Variants in TMEM201 observed in about 807,000 individuals in gnomAD.
The protein encoded by TMEM201 is transmembrane protein 201.
Under a neutral mutation model 63.4 loss-of-function variants are expected in TMEM201, and 26 were observed. The ratio of observed to expected loss-of-function variants is 0.41; its 90% CI spans 0.30 to 0.57. The LOEUF (loss-of-function observed/expected upper bound fraction) is 0.57, where lower values mean the gene tolerates loss of function less well. Ranked by LOEUF, TMEM201 falls within the 20% of genes least tolerant of loss-of-function variation. The pLI, the probability that TMEM201 is intolerant of heterozygous loss-of-function variation, is 0.29. For missense variants in TMEM201, 794 were observed against 917.7 expected (o/e 0.87, Z 1.74); for synonymous variants, 417 against 421.6 (o/e 0.99, Z 0.14).
chr1:9,591,455 G>A (rs1335030523), intron 1 of TMEM201, among the ~76,000 whole-genome samples: 1 of 152,252 alleles, frequency 6.6e-6, no homozygotes, highest in Admixed American at 6.5e-5. Flanking sequence ...CAGTTGGGGG[G>A]CAGATGCCCC....
chr1:9,589,026 C>T lies in TMEM201; in HGVS notation c.96C>T (p.Leu32=), dbSNP rs1265823798. 1 of 1,153,348 alleles carries T rather than the reference C, an allele frequency of 8.7e-7. No homozygotes were observed. The allele number at this position is 1,153,348 out of a possible 1,614,324, so 71.4% of individuals were successfully genotyped here. ...VTACAAAGVL[L]YRIARRMKPT... ...CGTGCGCCGCGGCCGGCGTGTTGCT[C>T]TACCGGATCGCGCGGAGGTGAGTGC... Residue 32 remains leucine, a synonymous_variant, in exon 1 of 11, where the codon CTC becomes CTT. Transcript: ENST00000340381.
intron 2 of TMEM201, 36 bp downstream of exon 2, chr1:9,596,046 G>A (rs778135781): frequency 6.0e-5 from 96 of 1,602,962 alleles, no homozygotes; most frequent in East Asian, 2.2e-4. Flanking sequence ...GTGGGCACGC[G>A]GGGGTGGGGA....
At chr1:9,597,887 G>C (rs969437246) in intron 3 of TMEM201, among the ~76,000 whole-genome samples, 4 of 152,244 alleles carry the variant, frequency 2.6e-5, no homozygotes, top group Non-Finnish European at 5.9e-5. Context: ...CAAAACGTTT[G>C]CTTCCTCAGA....
At chr1:9,602,425 C>T in intron 6 of TMEM201, 153 bp downstream of exon 6, 1 of 1,457,708 alleles carries the variant, frequency 6.9e-7, no homozygotes, top group Non-Finnish European at 9.1e-7. Flanking sequence ...CTGGCCCAGT[C>T]CCTCCACTGC....
intron 3 of TMEM201, among the ~76,000 whole-genome samples, 162 bp from the exon 4 acceptor site, chr1:9,598,287 G>T (rs1644063517): frequency 6.6e-6 from 1 of 152,200 alleles, no homozygotes; most frequent in African/African-American, 2.4e-5. Flanking sequence ...GTGGGCATTT[G>T]TCCTGTTGGG....
chr1:9,602,311 G>A lies in TMEM201; in HGVS notation c.1160+39G>A, dbSNP rs79169749. On this transcript the variant is annotated intron_variant, in intron 6 of 10. Coordinates refer to ENST00000340381, the MANE Select transcript of TMEM201 (RefSeq NM_001130924.3). ...CCATGACTGCGGGGGGAGGACACAC[G>A]GATGCTCAGGCCCAGGCTTTGCCAG... The A allele has an allele frequency of 4.1e-3, 6,499 of 1,603,404 alleles. 246 individuals are homozygous for A. The African/African-American group carries it at 0.078, about 19-fold the overall frequency.
chr1:9,604,132 T>C lies in TMEM201; in HGVS notation c.1160+1860T>C. 2.0e-6 allele frequency: 2 copies of C among 985,440 alleles called. No homozygotes were observed. Among genetic ancestry groups the C allele is most frequent in the Non-Finnish European group, 1.2e-6 (1 of 829,924 alleles). 61.0% of individuals were successfully genotyped at this position (985,440 alleles called of 1,614,324 possible). A position where few individuals can be genotyped will look rare whatever the true frequency, so the allele number is the denominator to read the frequency against. ...CCTGTCGGCTGGCCATGCTGTTGCT[T>C]GCGTCTCGAATCTTCGGTTCTCGAG... On this transcript the variant is annotated intron_variant, in intron 6 of 10. Transcript: ENST00000340381. The surrounding 1 kb of genome is among the most constrained non-coding windows in gnomAD (Gnocchi z 4.1).
In TMEM201 at chr1:9,603,894, C is replaced by A. The variant is rs370911925; in HGVS notation, c.1160+1622C>A. 1.4e-5 allele frequency: 14 copies of A among 985,444 alleles called. No individual in the cohort carries two copies. The East Asian group carries it at 1.5e-3, about 104-fold the overall frequency. 61.0% of individuals were successfully genotyped at this position (985,444 alleles called of 1,614,324 possible). A position where few individuals can be genotyped will look rare whatever the true frequency, so the allele number is the denominator to read the frequency against. ...GCTCAGCTTGTTGTTCTGTGTGGAG[C>A]GTGAGGTGAGAAAACCCCTCTGAAA... On this transcript the variant is annotated intron_variant, in intron 6 of 10. Coordinates refer to ENST00000340381, the MANE Select transcript of TMEM201 (RefSeq NM_001130924.3). The surrounding 1 kb of genome is among the most constrained non-coding windows in gnomAD (Gnocchi z 4.5).
At chr1:9,599,997 G>A (rs984302453) in intron 4 of TMEM201, among the ~76,000 whole-genome samples, 1 of 152,202 alleles carries the variant, frequency 6.6e-6, no homozygotes, top group African/African-American at 2.4e-5. Flanking sequence ...CCAGGAACAA[G>A]GCAGACAGAA....
In TMEM201 at chr1:9,603,404, G is replaced by A. The variant is rs931548518; in HGVS notation, c.1160+1132G>A. ...GCTGCCACGTGCAGAGGAAGTTCCCGGCCTGGGGGCTTTATCCAGGGGTCC... is the reference window on the plus strand; with the variant it reads ...GCTGCCACGTGCAGAGGAAGTTCCCAGCCTGGGGGCTTTATCCAGGGGTCC... On this transcript the variant is annotated intron_variant, in intron 6 of 10. Coordinates refer to ENST00000340381, the MANE Select transcript of TMEM201 (RefSeq NM_001130924.3). This position sits in a 1 kb window ranked among gnomAD's most constrained non-coding sequence, Gnocchi z 4.5. 13 of 985,516 alleles carry A rather than the reference G, an allele frequency of 1.3e-5. No homozygotes were observed. The highest frequency in any genetic ancestry group is 2.3e-4 in the East Asian group (2 of 8,824). The allele number at this position is 985,516 out of a possible 1,614,324, so 61.0% of individuals were successfully genotyped here. A position where few individuals can be genotyped will look rare whatever the true frequency, so the allele number is the denominator to read the frequency against.
In TMEM201 at chr1:9,604,662, A is replaced by C. The variant is rs1569947459; in HGVS notation, c.1160+2390A>C. ...AAGCGAGGTAGATTCAGCCATCCTCACCCTCAGACTTGAGGTCCCCACCCA... is the reference window on the plus strand; with the variant it reads ...AAGCGAGGTAGATTCAGCCATCCTCCCCCTCAGACTTGAGGTCCCCACCCA... On this transcript the variant is annotated intron_variant, in intron 6 of 10. Transcript: ENST00000340381. The surrounding 1 kb of genome is among the most constrained non-coding windows in gnomAD (Gnocchi z 4.1). 1 of 985,490 alleles carries C rather than the reference A, an allele frequency of 1.0e-6. No homozygotes were observed. The allele number at this position is 985,490 out of a possible 1,614,324, so 61.0% of individuals were successfully genotyped here.
chr1:9,613,286 C>G lies in TMEM201; in HGVS notation c.*203C>G, dbSNP rs1569970034. ...CTGAGCATGTGTCTGAGGTCACACT[C>G]TCTGCCCACTCACCTCCTTGGCTGA... On this transcript the variant is annotated 3_prime_UTR_variant, in exon 11 of 11. Coordinates refer to ENST00000340381, the MANE Select transcript of TMEM201 (RefSeq NM_001130924.3). 1 of 592,988 alleles carries G rather than the reference C, an allele frequency of 1.7e-6. No homozygotes were observed. The highest frequency in any genetic ancestry group is 3.0e-6 in the Non-Finnish European group (1 of 332,508). 36.7% of individuals were successfully genotyped at this position (592,988 alleles called of 1,614,324 possible). A position where few individuals can be genotyped will look rare whatever the true frequency, so the allele number is the denominator to read the frequency against.
chr1:9,602,378 C>T, intron 6 of TMEM201, 106 bp downstream of exon 6: 10 of 1,502,292 alleles, frequency 6.7e-6, no homozygotes, highest in Non-Finnish European at 8.9e-6. Context: ...TTTTCACCTG[C>T]TCACGCCCTC....
chr1:9,602,819 T>C, intron 6 of TMEM201: 1 of 987,616 alleles, frequency 1.0e-6, no homozygotes, highest in South Asian at 4.7e-5. Flanking sequence ...ACCTGTGGTC[T>C]GTCCCCTTGG....
Position 9,604,883 on chromosome 1 carries a change from C to T in TMEM201, c.1160+2611C>T, listed in dbSNP as rs137888987. 8.5e-3 allele frequency: 8,406 copies of T among 985,924 alleles called. 63 individuals carry two copies. Among genetic ancestry groups the T allele is most frequent in the Non-Finnish European group, 9.4e-3 (7,814 of 829,982 alleles). 61.1% of individuals were successfully genotyped at this position (985,924 alleles called of 1,614,324 possible). On this transcript the variant is annotated intron_variant, in intron 6 of 10. Coordinates refer to ENST00000340381, the MANE Select transcript of TMEM201 (RefSeq NM_001130924.3). The surrounding 1 kb of genome is among the most constrained non-coding windows in gnomAD (Gnocchi z 4.1). ...GACCCTCTCATCACTGTAACCATCGCGCCTGGCCTAGATGTCGTGTTTTGG... is the reference window on the plus strand; with the variant it reads ...GACCCTCTCATCACTGTAACCATCGTGCCTGGCCTAGATGTCGTGTTTTGG...
In TMEM201 at chr1:9,609,902, C is replaced by G; in HGVS notation, c.1456C>G (p.Pro486Ala). The G allele has an allele frequency of 2.6e-6, 4 of 1,551,402 alleles. No individual in the cohort carries two copies. The highest frequency in any genetic ancestry group is 3.5e-6 in the Non-Finnish European group (4 of 1,146,934). ...TCAGGTGTCTCGATCTGGGGAGTTTCCTGTTTCAGGTGAGGAAGACAGAGA... is the reference window on the plus strand; with the variant it reads ...TCAGGTGTCTCGATCTGGGGAGTTTGCTGTTTCAGGTGAGGAAGACAGAGA... ...PSQVSRSGEF[P>A]VSDYFSLLSG... The change falls in exon 8 of 11, where the codon CCT (proline) becomes GCT (alanine). Residue 486 changes from proline (P) to alanine (A), a missense_variant. Coordinates refer to ENST00000340381, the MANE Select transcript of TMEM201 (RefSeq NM_001130924.3).
chr1:9,599,708 C>T (rs1404718617), intron 4 of TMEM201, among the ~76,000 whole-genome samples: 1 of 149,306 alleles, frequency 6.7e-6, no homozygotes, highest in Non-Finnish European at 1.5e-5. Context: ...CTGCAAGCTC[C>T]GCCTCCCGGG....
Position 9,610,467 on chromosome 1 carries a change from A to G in TMEM201, c.1466-39A>G. The G allele has an allele frequency of 6.8e-7, 1 of 1,468,130 alleles. No homozygotes were observed. Among genetic ancestry groups the G allele is most frequent in the Middle Eastern group, 1.8e-4 (1 of 5,654 alleles). The allele number at this position is 1,468,130 out of a possible 1,614,324, so 90.9% of individuals were successfully genotyped here. A position where few individuals can be genotyped will look rare whatever the true frequency, so the allele number is the denominator to read the frequency against. ...TAGCGCATTGTAGCGTTGCAGTGAC[A>G]GGAGCCCACGTTCACATCATCTTCC... On this transcript the variant is annotated intron_variant, in intron 8 of 10. Coordinates refer to ENST00000340381, the MANE Select transcript of TMEM201 (RefSeq NM_001130924.3). This position sits in a 1 kb window ranked among gnomAD's most constrained non-coding sequence, Gnocchi z 4.9.
At position 9,598,598 on chromosome 1, in the gene TMEM201, C is replaced by T. The variant is rs1347777237; in HGVS notation, c.579C>T (p.Arg193=). Residue 193 remains arginine (R), a synonymous_variant, in exon 4 of 11, where the codon CGC becomes CGT. Coordinates refer to ENST00000340381, the MANE Select transcript of TMEM201 (RefSeq NM_001130924.3). The stretch of plus-strand genomic sequence containing the variant: ...TGTTGCTCAGCCACCAGTTCAAGCG[C>T]CGGGAGGCCGACCAGACCCACGCAC... The part of the protein sequence containing the change: ...RALLLSHQFK[R]READQTHAQN... The T allele has an allele frequency of 1.1e-5, 17 of 1,613,180 alleles. No homozygotes were observed. Among genetic ancestry groups the T allele is most frequent in the African/African-American group, 2.7e-5 (2 of 74,920 alleles).
Sources: allele counts gnomAD v4.1 joint callset (sites outside exome capture counted in the v4.1 genomes callset), GRCh38; gene constraint gnomAD v4.1.1; non-coding constraint Gnocchi (gnomAD v3.1); transcripts MANE v1.5; gene names NCBI Gene and HGNC (gene_info 2026-07-23, HGNC 2026-07-21).